Variants in PXDNL observed in about 807,000 individuals in gnomAD.
PXDNL encodes peroxidasin like, also known as probable oxidoreductase PXDNL.
Under a neutral mutation model 150.8 loss-of-function variants are expected in PXDNL, and 145 were observed. The ratio of observed to expected loss-of-function variants is 0.96; its 90% CI spans 0.84 to 1.10. The LOEUF (loss-of-function observed/expected upper bound fraction) is 1.10. PXDNL is among the 50% of genes least tolerant of loss of function. The pLI is 0.00. For missense variants in PXDNL, 2,087 were observed against 1,873.9 expected (o/e 1.11, Z -2.10); for synonymous variants, 757 against 725.7 (o/e 1.04, Z -0.69).
chr8:51,666,713 C>T (rs1815395107), intron 1 of PXDNL, among the ~76,000 whole-genome samples: 2 of 152,138 alleles, frequency 1.3e-5, no homozygotes, highest in South Asian at 4.1e-4. Context: ...CACATCCATG[C>T]AGCTACCAAG....
At chr8:51,705,655 T>G (rs2130889155) in intron 1 of PXDNL, among the ~76,000 whole-genome samples, 1 of 152,352 alleles carries the variant, frequency 6.6e-6, no homozygotes, top group South Asian at 2.1e-4. Context: ...AGGAATTCCT[T>G]GTTTTACTTA....
intron 2 of PXDNL, among the ~76,000 whole-genome samples, chr8:51,604,433 G>A (rs1406343021): frequency 2.6e-5 from 4 of 152,130 alleles, no homozygotes; most frequent in Non-Finnish European, 5.9e-5. Flanking sequence ...CTCACTCATA[G>A]GTGGGAATTG....
At chr8:51,651,465 C>T (rs973095794) in intron 2 of PXDNL, among the ~76,000 whole-genome samples, 1 of 152,162 alleles carries the variant, frequency 6.6e-6, no homozygotes, top group Admixed American at 6.5e-5. Flanking sequence ...ACTTGCCACA[C>T]TTCACAAAAC....
chr8:51,364,039 C>G (rs542094433), intron 19 of PXDNL, among the ~76,000 whole-genome samples: 3 of 152,324 alleles, frequency 2.0e-5, no homozygotes, highest in Admixed American at 6.5e-5. Context: ...CAGTGTAAAA[C>G]ATAAGTTGAC....
chr8:51,573,748 C>T (rs1812992850), intron 3 of PXDNL, among the ~76,000 whole-genome samples: 1 of 151,952 alleles, frequency 6.6e-6, no homozygotes. Flanking sequence ...CCAGGATCTC[C>T]TCTCCACCCA....
chr8:51,641,976 A>G (rs1341938345), intron 2 of PXDNL, among the ~76,000 whole-genome samples: 1 of 152,196 alleles, frequency 6.6e-6, no homozygotes, highest in Admixed American at 6.5e-5. Context: ...ACAATGATAG[A>G]CTGGATTAAG....
intron 8 of PXDNL, among the ~76,000 whole-genome samples, chr8:51,461,773 T>C (rs2130027408): frequency 6.6e-6 from 1 of 152,316 alleles, no homozygotes; most frequent in Admixed American, 6.5e-5. Flanking sequence ...TCAACAGTGA[T>C]TGGAGGAGGG....
At chr8:51,351,779 T>C (rs1322153823) in intron 19 of PXDNL, among the ~76,000 whole-genome samples, 1 of 152,152 alleles carries the variant, frequency 6.6e-6, no homozygotes, top group East Asian at 1.9e-4. Context: ...TTCCTCGTGG[T>C]TGTGTTACTG....
chr8:51,377,811 C>T (rs750501781), intron 17 of PXDNL, among the ~76,000 whole-genome samples: 1 of 152,230 alleles, frequency 6.6e-6, no homozygotes, highest in African/African-American at 2.4e-5. Flanking sequence ...ACACCGCGGG[C>T]TCCTGCGCAG....
At chr8:51,416,668 CTG>C (rs1228006728) in intron 14 of PXDNL, among the ~76,000 whole-genome samples, 1 of 152,184 alleles carries the variant, frequency 6.6e-6, no homozygotes, top group African/African-American at 2.4e-5. Flanking sequence ...TCAATTGATA[CTG>C]TGTTATACTG....
intron 19 of PXDNL, among the ~76,000 whole-genome samples, chr8:51,360,693 T>C (rs1210058265): frequency 1.1e-4 from 16 of 152,266 alleles, no homozygotes; most frequent in Non-Finnish European, 2.2e-4. Flanking sequence ...CCTAACTGGA[T>C]GTGTAAACAG....
intron 3 of PXDNL, among the ~76,000 whole-genome samples, chr8:51,565,503 T>C (rs1483535863): frequency 6.6e-6 from 1 of 151,654 alleles, no homozygotes. Context: ...CACTATATTT[T>C]TTCACTGTAA....
At chr8:51,390,594 C>T (rs1586062819) in intron 17 of PXDNL, among the ~76,000 whole-genome samples, 1 of 152,192 alleles carries the variant, frequency 6.6e-6, no homozygotes, top group East Asian at 1.9e-4. Context: ...TTATGGCTCT[C>T]TTCACACAAA....
At chr8:51,452,954 A>ACACACACACACACACACACG (rs1563418465) in intron 10 of PXDNL, among the ~76,000 whole-genome samples, 2 of 152,072 alleles carry the variant, frequency 1.3e-5, no homozygotes, top group African/African-American at 4.8e-5. Flanking sequence ...ACACACACAC[A>ACACACACACACACACACACG]CATGCACGCA....
At chr8:51,608,009 GA>G (rs1310058760) in intron 2 of PXDNL, among the ~76,000 whole-genome samples, 4 of 55,304 alleles carry the variant, frequency 7.2e-5, no homozygotes, top group Non-Finnish European at 3.2e-5. Context: ...AAGGAAGAAA[GA>G]AAGAAAGAAA....
intron 17 of PXDNL, among the ~76,000 whole-genome samples, chr8:51,385,931 A>G (rs926509950): frequency 1.3e-5 from 2 of 151,548 alleles, no homozygotes; most frequent in South Asian, 4.2e-4. Flanking sequence ...AGTTCATTAA[A>G]CCTCTTTTTC....
chr8:51,666,990 C>G (rs1815399885), intron 1 of PXDNL, among the ~76,000 whole-genome samples: 1 of 152,192 alleles, frequency 6.6e-6, no homozygotes, highest in South Asian at 2.1e-4. Context: ...AGGCTTGCCT[C>G]TGACACCCTG....
At chr8:51,436,401 C>A in intron 12 of PXDNL, 1 of 413,508 alleles carries the variant, frequency 2.4e-6, no homozygotes, top group Admixed American at 3.0e-5. Context: ...AAATGCATTG[C>A]CATGTCATAA....
chr8:51,564,763 G>C (rs1299911668), intron 3 of PXDNL, among the ~76,000 whole-genome samples: 1 of 151,892 alleles, frequency 6.6e-6, no homozygotes, highest in South Asian at 2.1e-4. Context: ...ACTTATGCAA[G>C]GCTCATCAAT....
Sources: gnomAD v4.1 joint callset for allele counts (sites outside exome capture counted in the v4.1 genomes callset) on GRCh38, gnomAD v4.1.1 for gene constraint, MANE v1.5 for transcripts, NCBI Gene and HGNC (gene_info 2026-07-23, HGNC 2026-07-21) for gene names.